Variants in ELP6 observed in about 807,000 individuals in gnomAD.
The protein encoded by ELP6 is elongator complex protein 6.
In ELP6, 23 loss-of-function variants were observed where a neutral mutation model predicts 28.1. That is an observed-to-expected ratio of 0.82 (90% CI 0.59 to 1.16). The LOEUF is 1.16. Ranked by LOEUF, ELP6 falls within the 50% of genes most tolerant of loss-of-function variation. ELP6 has a pLI of 0.00. For synonymous variants in ELP6, 132 were observed against 135.8 expected (o/e 0.97, Z 0.19); for missense variants, 313 against 334.6 (o/e 0.94, Z 0.50).
Position 47,498,394 on chromosome 3 carries a change from C to T in ELP6, c.564G>A (p.Ala188=), listed in dbSNP as rs368871206. The change falls in exon 6 of 7, where the codon GCG becomes GCA. Residue 188 remains alanine (A), a synonymous_variant. Transcript: ENST00000296149. ...MVVLVHDSGD[A]EDEENDILLN... is the part of the protein sequence containing the mutation. The stretch of plus-strand genomic sequence containing the variant: ...GCAGGATGTCATTCTCCTCATCCTC[C>T]GCATCTCCACTGTCGTGCACAAGGA... 94 of 1,613,440 alleles carry T rather than the reference C, an allele frequency of 5.8e-5. No individual in the cohort carries two copies. Among genetic ancestry groups the T allele is most frequent in the African/African-American group, 3.3e-4 (25 of 74,930 alleles).
intron 3 of ELP6, among the ~76,000 whole-genome samples, chr3:47,507,932 CA>C (rs928716719): frequency 1.6e-5 from 2 of 127,940 alleles, no homozygotes; most frequent in East Asian, 2.2e-4. Context: ...GATCATCATT[CA>C]AAGGTAAAAG....
chr3:47,498,032 G>T, intron 6 of ELP6: 1 of 984,724 alleles, frequency 1.0e-6, no homozygotes, highest in Non-Finnish European at 1.2e-6. Context: ...TTCCACTCTA[G>T]ACAGCTGTCT....
intron 3 of ELP6, among the ~76,000 whole-genome samples, chr3:47,509,237 C>T (rs1160166865): frequency 6.6e-6 from 1 of 152,178 alleles, no homozygotes; most frequent in Admixed American, 6.5e-5. Flanking sequence ...GCTGGGATTA[C>T]AGGCATGAGC....
rs1022523190 is a variant in ELP6 at position 47,513,449 on chromosome 3, T to C, written c.54+88A>G. 9.7e-6 allele frequency: 15 copies of C among 1,553,086 alleles called. No individual in the cohort carries two copies. In the Admixed American group the frequency reaches 2.9e-4, roughly 30 times the overall value. ...ACCCCGTGCCGGGTCGTCGCGCCAT[T>C]CCCCGGGGTCGTGCGCACCGCCTCC... On this transcript the variant is annotated intron_variant, in intron 1 of 6. Coordinates refer to ENST00000296149, the MANE Select transcript of ELP6 (RefSeq NM_001031703.3).
At chr3:47,511,454 C>A in intron 1 of ELP6, 1 of 1,345,464 alleles carries the variant, frequency 7.4e-7, no homozygotes. Context: ...AAGCATATCT[C>A]AGCCTCCACC....
In ELP6 at chr3:47,501,825, G is replaced by A. The variant is rs1299260524; in HGVS notation, c.350C>T (p.Pro117Leu). ...LREANAGNLK[P>L]LFEFVREALK... ...GGCCTCCCGTACAAACTCAAACAAT[G>A]GTTTCAAGTTCCCAGCATTAGCCTC... is the stretch of plus-strand genomic sequence containing the variant. Residue 117 changes from proline to leucine, a missense_variant, in exon 5 of 7, where the codon CCA becomes CTA. Coordinates refer to ENST00000296149, the MANE Select transcript of ELP6 (RefSeq NM_001031703.3). 1.2e-6 allele frequency: 2 copies of A among 1,613,844 alleles called. No individual in the cohort carries two copies. The highest frequency in any genetic ancestry group is 2.2e-5 in the East Asian group (1 of 44,870).
intron 4 of ELP6, chr3:47,502,556 T>C: frequency 1.0e-6 from 1 of 985,032 alleles, no homozygotes; most frequent in Non-Finnish European, 1.2e-6. Context: ...TTAAACAGGC[T>C]GGGCACAGTA....
chr3:47,502,594 G>A, intron 4 of ELP6: 1 of 963,608 alleles, frequency 1.0e-6, no homozygotes, highest in African/African-American at 1.8e-5. Flanking sequence ...CAGCACTTTG[G>A]GGGGCCAGCG....
intron 3 of ELP6, among the ~76,000 whole-genome samples, chr3:47,506,940 C>A (rs1019121909): frequency 1.3e-5 from 2 of 152,214 alleles, no homozygotes; most frequent in Non-Finnish European, 2.9e-5. Context: ...TGACTTCCTG[C>A]AACATGCCTC....
intron 1 of ELP6, 28 bp downstream of exon 1, chr3:47,513,508 GC>G (rs2029974248): frequency 1.9e-6 from 3 of 1,607,102 alleles, no homozygotes; most frequent in Non-Finnish European, 1.7e-6. Context: ...GCCAGGTCCC[GC>G]CCCCTTCCGG....
At chr3:47,508,524 G>A (rs1373123127) in intron 3 of ELP6, among the ~76,000 whole-genome samples, 2 of 152,144 alleles carry the variant, frequency 1.3e-5, no homozygotes. Flanking sequence ...TAATGACTAG[G>A]CCTTGGGTTT....
chr3:47,496,234 C>A, intron 6 of ELP6, 37 bp from the exon 7 acceptor site: 1 of 1,606,002 alleles, frequency 6.2e-7, no homozygotes, highest in Non-Finnish European at 8.5e-7. Context: ...GGAGCAGCCA[C>A]CCCAGGACCT....
chr3:47,497,343 TTTTC>T (rs1708507810), intron 6 of ELP6: 1 of 985,010 alleles, frequency 1.0e-6, no homozygotes, highest in African/African-American at 1.7e-5. Flanking sequence ...CGTTTTTCTT[TTTTC>T]TTTTTTTGAG....
At chr3:47,503,580 A>G in intron 4 of ELP6, 1 of 465,508 alleles carries the variant, frequency 2.1e-6, no homozygotes, top group Non-Finnish European at 3.4e-6. Flanking sequence ...TATTCCAATA[A>G]AATTTTACTT....
At chr3:47,502,240 T>C (rs1708685145) in intron 4 of ELP6, 2 of 215,674 alleles carry the variant, frequency 9.3e-6, no homozygotes, top group African/African-American at 4.7e-5. Context: ...TGAAACCCCG[T>C]CTCTACTAAA....
intron 5 of ELP6, 111 bp from the exon 6 acceptor site, chr3:47,498,543 C>T (rs1457948368): frequency 6.5e-7 from 1 of 1,535,152 alleles, no homozygotes; most frequent in African/African-American, 1.4e-5. Context: ...TCACAGATCA[C>T]CCTCCCTGCT....
chr3:47,501,869 A>C lies in ELP6; in HGVS notation c.324-18T>G. 1.2e-6 allele frequency: 2 copies of C among 1,604,874 alleles called. No individual in the cohort carries two copies. The highest frequency in any genetic ancestry group is 1.7e-6 in the Non-Finnish European group (2 of 1,175,370). ...TAGCCTCCCTGGAGAGACAGGACAA[A>C]AGTTACCAGACTTCACTCTCTCTAC... On this transcript the variant is annotated intron_variant, in intron 4 of 6. Coordinates refer to ENST00000296149, the MANE Select transcript of ELP6 (RefSeq NM_001031703.3).
Position 47,511,181 on chromosome 3 carries a change from G to A in ELP6, c.100C>T (p.Leu34Phe), listed in dbSNP as rs745387307. Residue 34 changes from leucine (L) to phenylalanine (F), a missense_variant, in exon 2 of 7, where the codon CTT becomes TTT. Coordinates refer to ENST00000296149, the MANE Select transcript of ELP6 (RefSeq NM_001031703.3). ...TAGAAGGAGAGAAAGTGGTGTACAA[G>A]GAAACTCCCATCTGTCTTGGCATCA... Reference protein sequence around the residue: ...LCDAKTDGSFLVHHFLSFYLK... With the variant: ...LCDAKTDGSFFVHHFLSFYLK... 2.4e-5 allele frequency: 38 copies of A among 1,614,078 alleles called. No homozygotes were observed. The highest frequency in any genetic ancestry group is 3.1e-5 in the Non-Finnish European group (37 of 1,179,982).
At chr3:47,507,519 G>A (rs374494336) in intron 3 of ELP6, among the ~76,000 whole-genome samples, 10 of 151,384 alleles carry the variant, frequency 6.6e-5, no homozygotes, top group Non-Finnish European at 1.2e-4. Context: ...CATGGGGCTC[G>A]GCATGGTGCC....
Sources: allele counts gnomAD v4.1 joint callset (sites outside exome capture counted in the v4.1 genomes callset), GRCh38; gene constraint gnomAD v4.1.1; transcripts MANE v1.5; gene names NCBI Gene and HGNC (gene_info 2026-07-23, HGNC 2026-07-21).